The following FTO variants were observed in gnomAD, a reference collection of about 807,000 sequenced individuals.
FTO encodes the protein alpha-ketoglutarate-dependent dioxygenase FTO.
In FTO, 47 loss-of-function variants were observed where a neutral mutation model predicts 63.9. That is an observed-to-expected ratio of 0.74 (90% CI 0.58 to 0.94). The LOEUF (loss-of-function observed/expected upper bound fraction) is 0.94, where lower values mean the gene tolerates loss of function less well. Ranked by LOEUF, FTO falls within the 40% of genes least tolerant of loss-of-function variation. FTO has a pLI of 0.00. For synonymous variants in FTO, 207 were observed against 224.4 expected, an observed-to-expected ratio of 0.92 and a Z score of 0.69; for missense variants, 562 against 618.1, an observed-to-expected ratio of 0.91 and a Z score of 0.96.
At chr16:53,852,851 G>A (rs1047967719) in intron 4 of FTO, among the ~76,000 whole-genome samples, 62 of 152,086 alleles carry the variant, frequency 4.1e-4, no homozygotes, top group African/African-American at 1.5e-3. Context: ...GATAGAAGAA[G>A]CATGCTATAA....
intron 7 of FTO, among the ~76,000 whole-genome samples, chr16:53,904,980 A>G (rs1374524330): frequency 1.3e-5 from 2 of 152,050 alleles, no homozygotes; most frequent in East Asian, 3.9e-4. Context: ...GGGAACTGTG[A>G]TGACTGGGGA....
intron 8 of FTO, among the ~76,000 whole-genome samples, chr16:54,051,277 A>G (rs1322206863): frequency 1.3e-5 from 2 of 152,196 alleles, no homozygotes; most frequent in Admixed American, 6.5e-5. Context: ...GTGTCATGGC[A>G]TCTAGTAAAC....
intron 1 of FTO, among the ~76,000 whole-genome samples, chr16:53,767,643 G>C (rs1331970785): frequency 6.6e-6 from 1 of 151,762 alleles, no homozygotes; most frequent in East Asian, 1.9e-4. Context: ...AAGCCCATGG[G>C]ACTCTTCAAT....
intron 8 of FTO, among the ~76,000 whole-genome samples, chr16:54,108,788 G>A (rs186343256): frequency 2.0e-5 from 3 of 152,296 alleles, no homozygotes; most frequent in Admixed American, 2.0e-4. Context: ...AGAAACTGAG[G>A]CTCAGCGAGG....
At chr16:53,889,158 T>C (rs564876750) in intron 7 of FTO, among the ~76,000 whole-genome samples, 1 of 152,336 alleles carries the variant, frequency 6.6e-6, no homozygotes, top group Non-Finnish European at 1.5e-5. Context: ...TTTCTCCTCA[T>C]AGGGCATGTG....
At position 53,793,907 on chromosome 16, in the gene FTO, CA is replaced by C. The variant is rs58222295; in HGVS notation, c.46-16231del. On this transcript the variant is annotated intron_variant, in intron 1 of 8. Transcript: ENST00000471389. Reference sequence around the variant, plus strand: ...CAGTAAAAGAAAAATACCTAGAAAACAATAAACAAAAGGCATGAACAGGCAT... The same window carrying C: ...CAGTAAAAGAAAAATACCTAGAAAACATAAACAAAAGGCATGAACAGGCAT... Among the ~76,000 whole-genome samples, 766 of 152,120 alleles carry C rather than the reference CA, an allele frequency of 5.0e-3. 6 individuals carry two copies. Among genetic ancestry groups the C allele is most frequent in the African/African-American group, 0.018 (736 of 41,500 alleles).
chr16:53,880,801 A>G (rs74767852), intron 6 of FTO, among the ~76,000 whole-genome samples: 2,623 of 152,088 alleles, frequency 0.017, 66 homozygotes, highest in African/African-American at 0.054. Context: ...GGATTTCAAC[A>G]TAAGAATTTT....
chr16:53,830,775 A>G (rs984913610), intron 3 of FTO, among the ~76,000 whole-genome samples: 6 of 152,182 alleles, frequency 3.9e-5, no homozygotes, highest in Non-Finnish European at 8.8e-5. Context: ...GCGCACCTGT[A>G]GTCCCAGCTA....
chr16:54,042,065 C>A (rs1038880217), intron 8 of FTO, among the ~76,000 whole-genome samples: 1 of 152,110 alleles, frequency 6.6e-6, no homozygotes, highest in Admixed American at 6.5e-5. Flanking sequence ...TAGGTTTGTC[C>A]AATGGTATCA....
At chr16:54,071,457 G>A (rs1331042275) in intron 8 of FTO, 1 of 152,252 alleles carries the variant, frequency 6.6e-6, no homozygotes, top group African/African-American at 2.4e-5. Flanking sequence ...TCTGAACTTA[G>A]GAGGCCCTTG....
intron 1 of FTO, among the ~76,000 whole-genome samples, chr16:53,775,698 C>T (rs911807920): frequency 6.6e-6 from 1 of 152,066 alleles, no homozygotes; most frequent in Non-Finnish European, 1.5e-5. Flanking sequence ...TGAATTTTAG[C>T]CAAAAGGTCT....
intron 2 of FTO, among the ~76,000 whole-genome samples, chr16:53,816,752 C>T (rs371717682): frequency 2.6e-5 from 4 of 152,126 alleles, no homozygotes; most frequent in South Asian, 2.1e-4. Context: ...CCTACTTTCT[C>T]GGCTTTATTT....
At chr16:53,948,839 T>A (rs2082707225) in intron 8 of FTO, among the ~76,000 whole-genome samples, 1 of 152,198 alleles carries the variant, frequency 6.6e-6, no homozygotes, top group South Asian at 2.1e-4. Context: ...CTTCTCACAC[T>A]TCTCAAGAAT....
chr16:53,830,640 C>T (rs1053673273), intron 3 of FTO, among the ~76,000 whole-genome samples: 4 of 152,226 alleles, frequency 2.6e-5, no homozygotes, highest in Non-Finnish European at 4.4e-5. Flanking sequence ...AGGCTCACAA[C>T]TGTAATCCCA....
chr16:54,068,063 T>G (rs571229298), intron 8 of FTO, among the ~76,000 whole-genome samples: 1 of 152,182 alleles, frequency 6.6e-6, no homozygotes, highest in South Asian at 2.1e-4. Context: ...ATTTGTCTTT[T>G]TCAATACCTG....
At chr16:54,029,987 C>A (rs1786296975) in intron 8 of FTO, among the ~76,000 whole-genome samples, 1 of 152,182 alleles carries the variant, frequency 6.6e-6, no homozygotes, top group Non-Finnish European at 1.5e-5. Flanking sequence ...TATAATTCAA[C>A]TCAACACTTG....
At chr16:54,037,452 T>C (rs1293324025) in intron 8 of FTO, among the ~76,000 whole-genome samples, 1 of 152,252 alleles carries the variant, frequency 6.6e-6, no homozygotes, top group African/African-American at 2.4e-5. Flanking sequence ...ACCCTCCTTG[T>C]CACGTTGATG....
chr16:53,794,086 T>C (rs756765419), intron 1 of FTO, among the ~76,000 whole-genome samples: 26 of 152,204 alleles, frequency 1.7e-4, no homozygotes, highest in African/African-American at 3.4e-4. Flanking sequence ...AATGTTTGAG[T>C]ATATGAAGAA....
chr16:53,731,923 A>G (rs1269901708), intron 1 of FTO, among the ~76,000 whole-genome samples: 12 of 149,022 alleles, frequency 8.1e-5, no homozygotes, highest in African/African-American at 1.5e-4. Context: ...ACAGGGTTTC[A>G]CCATGTTGGC....
Sources: allele counts gnomAD v4.1 joint callset (sites outside exome capture counted in the v4.1 genomes callset), GRCh38; gene constraint gnomAD v4.1.1; transcripts MANE v1.5; gene names NCBI Gene and HGNC (gene_info 2026-07-23, HGNC 2026-07-21).